KCTD18: variants seen among roughly 807,000 people sequenced by gnomAD.
The protein encoded by KCTD18 is BTB/POZ domain-containing protein KCTD18.
KCTD18 carries 22 observed loss-of-function variants against 30.4 expected under a neutral mutation model. That is an observed-to-expected ratio of 0.72 (90% CI 0.52 to 1.03). KCTD18 has a LOEUF of 1.03. Ranked by LOEUF, KCTD18 falls within the 50% of genes least tolerant of loss-of-function variation. The probability of loss-of-function intolerance (pLI) is 0.00; values close to 1 mark genes in which losing one functional copy is unlikely to be tolerated. For synonymous variants in KCTD18, 186 were observed against 209.0 expected, an observed-to-expected ratio of 0.89 and a Z score of 0.95; for missense variants, 529 against 547.6, an observed-to-expected ratio of 0.97 and a Z score of 0.34.
At chr2:200,505,161 C>A (rs1444202373) in intron 2 of KCTD18, among the ~76,000 whole-genome samples, 1 of 152,246 alleles carries the variant, frequency 6.6e-6, no homozygotes, top group African/African-American at 2.4e-5. Context: ...TACCAGCAAC[C>A]CTCTGCTTAC....
chr2:200,501,990 A>T (rs546051335), intron 3 of KCTD18, among the ~76,000 whole-genome samples: 114 of 152,176 alleles, frequency 7.5e-4, no homozygotes, highest in East Asian at 1.5e-3. Flanking sequence ...CTTTGTAGGG[A>T]CATGGATGAA....
intron 3 of KCTD18, among the ~76,000 whole-genome samples, chr2:200,500,509 C>G (rs2088067717): frequency 6.6e-6 from 1 of 151,814 alleles, no homozygotes. Flanking sequence ...AGAGCCAAAT[C>G]ATGAGTGAAC....
In KCTD18 at chr2:200,490,454, C is replaced by A. The variant is rs1326314781; in HGVS notation, c.927G>T (p.Ala309=). 14 of 1,613,736 alleles carry A rather than the reference C, an allele frequency of 8.7e-6. No homozygotes were observed. Among genetic ancestry groups the A allele is most frequent in the Non-Finnish European group, 1.1e-5 (13 of 1,180,052 alleles). ...PASAIQTSAG[A]TANRFQSGSR... ...TACCACTTTGAAACCGGTTTGCTGT[C>A]GCCCCAGCCGACGTCTGGATGGCAC... Residue 309 remains alanine, a synonymous_variant, in exon 7 of 7, where the codon GCG becomes GCT. Transcript: ENST00000359878.
At position 200,504,902 on chromosome 2, in the gene KCTD18, T is replaced by C; in HGVS notation, c.218A>G (p.His73Arg). The C allele has an allele frequency of 1.2e-6, 2 of 1,614,178 alleles. No homozygotes were observed. Among genetic ancestry groups the C allele is most frequent in the South Asian group, 2.2e-5 (2 of 91,082 alleles). The change falls in exon 3 of 7, where the codon CAT (histidine) becomes CGT (arginine). Residue 73 changes from histidine to arginine, a missense_variant. Coordinates refer to ENST00000359878, the MANE Select transcript of KCTD18 (RefSeq NM_152387.4). ...ATCTGTGGGAATCTGAACTTCTCCA[T>C]GAAGGTAATCCAAAAGGTATTTAAA... ...RLFKYLLDYL[H>R]GEVQIPTDEQ...
chr2:200,490,745 G>A, intron 6 of KCTD18, 129 bp from the exon 7 acceptor site: 1 of 917,938 alleles, frequency 1.1e-6, no homozygotes, highest in Non-Finnish European at 1.6e-6. Flanking sequence ...GAGGTTTATG[G>A]GCACCTACCT....
chr2:200,500,726 A>C (rs910038989), intron 3 of KCTD18, among the ~76,000 whole-genome samples: 7 of 151,462 alleles, frequency 4.6e-5, no homozygotes, highest in African/African-American at 1.7e-4. Context: ...TTACAGATTC[A>C]ATGCCATCCC....
intron 4 of KCTD18, among the ~76,000 whole-genome samples, chr2:200,498,141 A>C (rs986750053): frequency 7.2e-5 from 11 of 152,202 alleles, no homozygotes; most frequent in Non-Finnish European, 1.6e-4. Flanking sequence ...TTTTTAAAAA[A>C]AATCAGCGAA....
At position 200,489,062 on chromosome 2, in the gene KCTD18, A is replaced by C. The variant is rs898424399; in HGVS notation, c.*1038T>G. ...AGTACAATGATAAGCATTTGAATAA[A>C]AAGTACCCTGTTTTATGAGCTTATT... On this transcript the variant is annotated 3_prime_UTR_variant, in exon 7 of 7. Coordinates refer to ENST00000359878, the MANE Select transcript of KCTD18 (RefSeq NM_152387.4). The C allele has an allele frequency of 6.6e-6, 1 of 152,566 alleles. No homozygotes were observed. Among genetic ancestry groups the C allele is most frequent in the Non-Finnish European group, 1.5e-5 (1 of 68,032 alleles). 9.5% of individuals were successfully genotyped at this position (152,566 alleles called of 1,614,324 possible). A position where few individuals can be genotyped will look rare whatever the true frequency, so the allele number is the denominator to read the frequency against.
chr2:200,493,851 T>C (rs1052565489), intron 5 of KCTD18, among the ~76,000 whole-genome samples: 2 of 152,160 alleles, frequency 1.3e-5, no homozygotes, highest in African/African-American at 4.8e-5. Flanking sequence ...ACACTTGCCT[T>C]GTCTACTTCA....
At chr2:200,495,883 T>G (rs996348786) in intron 5 of KCTD18, 1 of 152,182 alleles carries the variant, frequency 6.6e-6, no homozygotes, top group Non-Finnish European at 1.5e-5. Flanking sequence ...TTGTTTTGTG[T>G]TTAACATTTA....
intron 6 of KCTD18, 58 bp downstream of exon 6, chr2:200,493,114 C>A: frequency 1.1e-6 from 1 of 933,444 alleles, no homozygotes; most frequent in Non-Finnish European, 1.8e-6. Flanking sequence ...TTCACAAAGG[C>A]AGTAAAAATG....
intron 2 of KCTD18, among the ~76,000 whole-genome samples, chr2:200,506,376 C>A (rs113141468): frequency 1.1e-4 from 16 of 152,282 alleles, no homozygotes; most frequent in African/African-American, 3.9e-4. Context: ...CAGACTTTTT[C>A]TCAGCCGTGC....
At chr2:200,508,422 C>G (rs1280561445) in intron 1 of KCTD18, among the ~76,000 whole-genome samples, 1 of 152,126 alleles carries the variant, frequency 6.6e-6, no homozygotes, top group African/African-American at 2.4e-5. Context: ...TTTTTTTAAT[C>G]CATTCTGGAG....
In KCTD18 at chr2:200,504,778, A is replaced by C. The variant is rs2030071857; in HGVS notation, c.342T>G (p.Tyr114Ter). The change falls in exon 3 of 7, where the codon TAT (tyrosine) becomes TAG (stop). Residue 114 changes from tyrosine (Y) to a stop codon, truncating the protein, a stop_gained. Coordinates refer to ENST00000359878, the MANE Select transcript of KCTD18 (RefSeq NM_152387.4). LOFTEE classifies it high-confidence loss of function. ...SDHLANEMET[Y>*]SLRSNIELKK... ...TAAGTTCTATATTTGACCTTAAAGA[A>C]TATGTCTCCATTTCATTGGCCAAAT... 6.2e-7 allele frequency: 1 copy of C among 1,614,008 alleles called. No individual in the cohort carries two copies.
intron 3 of KCTD18, among the ~76,000 whole-genome samples, chr2:200,502,291 T>C (rs547921875): frequency 1.1e-4 from 17 of 151,786 alleles, no homozygotes; most frequent in African/African-American, 4.1e-4. Context: ...AGTATAATAA[T>C]AATAAATTTA....
In KCTD18 at chr2:200,489,890, A is replaced by G; in HGVS notation, c.*210T>C. ...CCAGAAATTCAAACTGCCCATAGAC[A>G]ATCATATAAAAGTTGGGAAAATGAG... On this transcript the variant is annotated 3_prime_UTR_variant, in exon 7 of 7. Coordinates refer to ENST00000359878, the MANE Select transcript of KCTD18 (RefSeq NM_152387.4). The G allele has an allele frequency of 1.9e-6, 1 of 532,256 alleles. No homozygotes were observed. Among genetic ancestry groups the G allele is most frequent in the Admixed American group, 3.6e-5 (1 of 28,054 alleles). The allele number at this position is 532,256 out of a possible 1,614,324, so 33.0% of individuals were successfully genotyped here.
Position 200,498,881 on chromosome 2 carries a change from T to C in KCTD18, c.566+10A>G. Reference sequence around the variant, plus strand: ...ATTTTGTTCTTTTTCACATTTAAATTTGGACATACCTTTTAAAAATGCCTT... The same window carrying C: ...ATTTTGTTCTTTTTCACATTTAAATCTGGACATACCTTTTAAAAATGCCTT... On this transcript the variant is annotated intron_variant, in intron 4 of 6. Coordinates refer to ENST00000359878, the MANE Select transcript of KCTD18 (RefSeq NM_152387.4). 6.2e-7 allele frequency: 1 copy of C among 1,610,504 alleles called. No individual in the cohort carries two copies. The highest frequency in any genetic ancestry group is 8.5e-7 in the Non-Finnish European group (1 of 1,177,416).
chr2:200,492,404 G>A (rs534217650), intron 6 of KCTD18, among the ~76,000 whole-genome samples: 2 of 152,272 alleles, frequency 1.3e-5, no homozygotes, highest in African/African-American at 4.8e-5. Context: ...TTTGCTAACT[G>A]TAGGCTCAAA....
At chr2:200,497,947 G>A in intron 4 of KCTD18, 100 bp from the exon 5 acceptor site, 2 of 831,944 alleles carry the variant, frequency 2.4e-6, no homozygotes, top group Non-Finnish European at 3.9e-6. Context: ...TGTTAATTAA[G>A]GGAAAAAACA....
Sources: allele counts gnomAD v4.1 joint callset (sites outside exome capture counted in the v4.1 genomes callset), GRCh38; gene constraint gnomAD v4.1.1; transcripts MANE v1.5; gene names NCBI Gene and HGNC (gene_info 2026-07-23, HGNC 2026-07-21).